The following DNAH9 variants were observed in gnomAD, a reference collection of about 807,000 sequenced individuals.
DNAH9 encodes DNAH9 variant protein.
In DNAH9, 345 loss-of-function variants were observed where a neutral mutation model predicts 471.6. That is an observed-to-expected ratio of 0.73 (90% CI 0.67 to 0.80). DNAH9 has a LOEUF of 0.80. DNAH9 is among the 30% of genes least tolerant of loss of function. DNAH9 has a pLI of 0.00. For missense variants in DNAH9, 5,407 were observed against 5,609.2 expected (o/e 0.96, Z 1.15); for synonymous variants, 2,093 against 2,123.6 (o/e 0.99, Z 0.40).
At chr17:11,693,788 GCTT>G in intron 20 of DNAH9, 77 bp from the exon 21 acceptor site, 1 of 1,482,816 alleles carries the variant, frequency 6.7e-7, no homozygotes, top group Non-Finnish European at 9.4e-7. Context: ...ACAAGTTTCT[GCTT>G]CTAACTGGCT....
At chr17:11,804,162 G>A (rs972793517) in intron 43 of DNAH9, among the ~76,000 whole-genome samples, 2 of 152,184 alleles carry the variant, frequency 1.3e-5, no homozygotes, top group Admixed American at 1.3e-4. Context: ...CAAGAGAAGT[G>A]TAAATCTATC....
At chr17:11,815,564 G>A (rs925511073) in intron 45 of DNAH9, among the ~76,000 whole-genome samples, 4 of 152,126 alleles carry the variant, frequency 2.6e-5, no homozygotes, top group South Asian at 2.1e-4. Flanking sequence ...CAAGATGGGC[G>A]GGTCACTTGA....
chr17:11,964,325 G>C (rs1976505638), intron 68 of DNAH9, among the ~76,000 whole-genome samples: 1 of 152,142 alleles, frequency 6.6e-6, no homozygotes, highest in African/African-American at 2.4e-5. Flanking sequence ...AATGAGAGAA[G>C]TACCAAAAGG....
rs1166364623 is a variant in DNAH9 at position 11,843,861 on chromosome 17, G to GTATATATATA, written c.9507+8964_9507+8965insATATATATAT. ...TGTGTTTGTGTGTGTGTGTGTGTGT[G>GTATATATATA]TGTATATATATATATATATATATAT... On this transcript the variant is annotated intron_variant, in intron 49 of 68. Coordinates refer to ENST00000262442, the MANE Select transcript of DNAH9 (RefSeq NM_001372.4). 7.0e-3 allele frequency among the ~76,000 whole-genome samples: 377 copies of GTATATATATA among 54,114 alleles called. 1 individual carries two copies. Among genetic ancestry groups the GTATATATATA allele is most frequent in the African/African-American group, 0.01 (132 of 13,152 alleles). 35.5% of individuals were successfully genotyped at this position (54,114 alleles called of 152,430 possible). A position where few individuals can be genotyped will look rare whatever the true frequency, so the allele number is the denominator to read the frequency against.
intron 45 of DNAH9, among the ~76,000 whole-genome samples, chr17:11,817,704 TTCAC>T (rs1387599699): frequency 7.9e-5 from 12 of 152,252 alleles, no homozygotes; most frequent in Admixed American, 7.9e-4. Context: ...GCGGTTTTCC[TTCAC>T]TCCTATTTTT....
intron 41 of DNAH9, among the ~76,000 whole-genome samples, chr17:11,791,704 C>T (rs989055935): frequency 5.9e-5 from 9 of 152,018 alleles, no homozygotes; most frequent in East Asian, 3.9e-4. Flanking sequence ...AAAAGTGAGA[C>T]TCTGTCACAA....
intron 28 of DNAH9, among the ~76,000 whole-genome samples, chr17:11,735,385 A>AC (rs1257974133): frequency 6.6e-6 from 1 of 152,044 alleles, no homozygotes; most frequent in Non-Finnish European, 1.5e-5. Context: ...CCAGTTGAGA[A>AC]CACCGGTTCC....
intron 14 of DNAH9, among the ~76,000 whole-genome samples, chr17:11,664,416 C>T (rs1469963108): frequency 1.3e-5 from 2 of 152,176 alleles, no homozygotes; most frequent in African/African-American, 4.8e-5. Context: ...AAATGCTTTG[C>T]TTCTTTGAAC....
At chr17:11,712,077 A>T (rs796173930) in intron 26 of DNAH9, among the ~76,000 whole-genome samples, 2 of 2,294 alleles carry the variant, frequency 8.7e-4, no homozygotes, top group Non-Finnish European at 0.056. Flanking sequence ...TATATATATA[A>T]ATATATTTGT....
At chr17:11,601,249 G>A (rs2072380092) in intron 1 of DNAH9, among the ~76,000 whole-genome samples, 1 of 150,986 alleles carries the variant, frequency 6.6e-6, no homozygotes, top group Non-Finnish European at 1.5e-5. Flanking sequence ...GAATAATGCT[G>A]CAATTTAAGA....
At chr17:11,606,510 G>A (rs1490755094) in intron 1 of DNAH9, among the ~76,000 whole-genome samples, 12 of 133,994 alleles carry the variant, frequency 9.0e-5, no homozygotes, top group Admixed American at 3.3e-4. Context: ...ATGCAGTGGT[G>A]CAATCTCGGC....
chr17:11,625,745 A>G (rs1243033629), intron 6 of DNAH9, among the ~76,000 whole-genome samples: 2 of 152,264 alleles, frequency 1.3e-5, no homozygotes, highest in East Asian at 1.9e-4. Context: ...CGGTTTTTTC[A>G]TAAGAATAGA....
chr17:11,820,548 T>C (rs1970271442), intron 45 of DNAH9, among the ~76,000 whole-genome samples: 1 of 152,166 alleles, frequency 6.6e-6, no homozygotes, highest in East Asian at 1.9e-4. Context: ...ATGAGTGAGG[T>C]GAAGCATCTA....
chr17:11,881,494 G>GT (rs34294613), intron 55 of DNAH9, 81 bp downstream of exon 55: 1 of 1,423,850 alleles, frequency 7.0e-7, no homozygotes, highest in African/African-American at 1.4e-5. Context: ...GAGGGGGGCT[G>GT]TTTTTCCTGG....
At chr17:11,628,970 C>T (rs964267791) in intron 6 of DNAH9, among the ~76,000 whole-genome samples, 6 of 152,078 alleles carry the variant, frequency 3.9e-5, no homozygotes, top group Non-Finnish European at 8.8e-5. Context: ...CCAGCCCGAT[C>T]TAATAATAAG....
chr17:11,669,879 A>G, intron 17 of DNAH9, 85 bp downstream of exon 17: 1 of 1,172,776 alleles, frequency 8.5e-7, no homozygotes, highest in Admixed American at 2.1e-5. Context: ...TTTTTTCCCC[A>G]TGGGTATGTT....
chr17:11,797,936 A>AC, intron 43 of DNAH9, 143 bp downstream of exon 43: 1 of 805,332 alleles, frequency 1.2e-6, no homozygotes, highest in Non-Finnish European at 1.9e-6. Flanking sequence ...GGCTGCTGGC[A>AC]GAGCAGCTGC....
intron 67 of DNAH9, among the ~76,000 whole-genome samples, chr17:11,953,504 GT>G (rs1029049132): frequency 6.6e-6 from 1 of 152,164 alleles, no homozygotes; most frequent in Non-Finnish European, 1.5e-5. Context: ...AATCCATCAT[GT>G]TTGTTAGAAA....
In DNAH9 at chr17:11,733,580, G is replaced by A. The variant is rs112951787; in HGVS notation, c.5815-5300G>A. Reference sequence around the variant, plus strand: ...ATAGAAGTAAACCCTAGCCAGGTGCGGTGGCTCACGCCTGTAATCCCAGCA... The same window carrying A: ...ATAGAAGTAAACCCTAGCCAGGTGCAGTGGCTCACGCCTGTAATCCCAGCA... On this transcript the variant is annotated intron_variant, in intron 28 of 68. Transcript: ENST00000262442. Among the ~76,000 whole-genome samples, 605 of 152,230 alleles carry A rather than the reference G, an allele frequency of 4.0e-3. 4 individuals carry two copies. Among genetic ancestry groups the A allele is most frequent in the African/African-American group, 0.013 (560 of 41,534 alleles).
Sources: gnomAD v4.1 joint callset for allele counts (sites outside exome capture counted in the v4.1 genomes callset) on GRCh38, gnomAD v4.1.1 for gene constraint, MANE v1.5 for transcripts, NCBI Gene and HGNC (gene_info 2026-07-23, HGNC 2026-07-21) for gene names.